Variants in NAV3 observed in about 807,000 individuals in gnomAD.
NAV3 encodes the protein pore membrane and/or filament interacting like protein 1.
A neutral mutation model predicts 244.7 loss-of-function variants in NAV3; 87 were observed. That is an observed-to-expected ratio of 0.36 (90% confidence interval 0.30 to 0.42). The LOEUF (loss-of-function observed/expected upper bound fraction) is 0.42, where lower values mean the gene tolerates loss of function less well. Among genes scored for constraint, NAV3 ranks in the 20% least tolerant of loss-of-function variants. The probability of loss-of-function intolerance (pLI) is 1.00; values close to 1 mark genes in which losing one functional copy is unlikely to be tolerated. For missense variants in NAV3, 2,663 were observed against 2,893.3 expected, an observed-to-expected ratio of 0.92 and a Z score of 1.83; for synonymous variants, 1,126 against 1,042.2, an observed-to-expected ratio of 1.08 and a Z score of -1.55.
intron 2 of NAV3, among the ~76,000 whole-genome samples, chr12:77,712,823 T>C (rs1324004618): frequency 2.6e-5 from 4 of 152,230 alleles, no homozygotes; most frequent in African/African-American, 9.6e-5. Context: ...CAAATGACTC[T>C]TATTGACATA....
intron 1 of NAV3, among the ~76,000 whole-genome samples, chr12:77,866,134 A>G (rs892428997): frequency 6.6e-6 from 1 of 152,190 alleles, no homozygotes; most frequent in Non-Finnish European, 1.5e-5. Flanking sequence ...AAAAATCCCA[A>G]TCTACAACAG....
At position 77,822,216 on chromosome 12, in the gene NAV3, T is replaced by G. The variant is rs1592713043; in HGVS notation, c.73-118103T>G. ...CCTGTAGGGTAGTAAATGCATGTCA[T>G]AGAGCATATATAAACAATTTCCACC... On this transcript the variant is annotated intron_variant, in intron 2 of 8. Coordinates refer to the NAV3 transcript ENST00000550042. Among the ~76,000 whole-genome samples, 4 of 152,202 alleles carry G rather than the reference T, an allele frequency of 2.6e-5. 1 individual carries two copies. Among genetic ancestry groups the G allele is most frequent in the Admixed American group, 2.6e-4 (4 of 15,272 alleles).
chr12:77,770,513 A>G (rs1164750370), intron 2 of NAV3, among the ~76,000 whole-genome samples: 1 of 152,202 alleles, frequency 6.6e-6, no homozygotes, highest in African/African-American at 2.4e-5. Context: ...GCTCTTAAGA[A>G]ATAGACTCAG....
At chr12:77,849,220 A>G (rs961337251) in intron 1 of NAV3, among the ~76,000 whole-genome samples, 2 of 150,578 alleles carry the variant, frequency 1.3e-5, no homozygotes, top group East Asian at 1.9e-4. Flanking sequence ...CCCAAACACA[A>G]TGTGTTGTAT....
At chr12:77,800,722 G>A (rs950667863) in intron 2 of NAV3, among the ~76,000 whole-genome samples, 1 of 152,100 alleles carries the variant, frequency 6.6e-6, no homozygotes, top group Non-Finnish European at 1.5e-5. Context: ...AGAATGAGTT[G>A]TGATGATTTA....
intron 2 of NAV3, among the ~76,000 whole-genome samples, chr12:77,809,371 A>C (rs1872167862): frequency 6.6e-6 from 1 of 152,154 alleles, no homozygotes; most frequent in African/African-American, 2.4e-5. Context: ...TCTGGGCTGG[A>C]ATGCACCTTT....
chr12:77,830,467 C>T (rs1311829961), upstream of NAV3, among the ~76,000 whole-genome samples: 1 of 152,178 alleles, frequency 6.6e-6, no homozygotes, highest in East Asian at 1.9e-4. Flanking sequence ...ATGCTTAGCT[C>T]CATAACTGCT....
rs554219706 is a variant in NAV3 at position 77,951,787 on chromosome 12, G to A, written c.414+10654G>A. Among the ~76,000 whole-genome samples the A allele has an allele frequency of 5.9e-5, 9 of 152,224 alleles. No individual in the cohort carries two copies. The East Asian group carries it at 1.5e-3, about 26-fold the overall frequency. ...CTTTGTAGGGACATGGATGAAGCTG[G>A]AAACCATCATTCTCAGCAAACTATC... On this transcript the variant is annotated intron_variant, in intron 3 of 39. Transcript: ENST00000397909.
chr12:78,072,988 A>C (rs74852311), intron 12 of NAV3, among the ~76,000 whole-genome samples: 386 of 134,328 alleles, frequency 2.9e-3, no homozygotes, highest in Middle Eastern at 0.012. Flanking sequence ...ATTCAACAAC[A>C]CTTCATGCTA....
chr12:77,641,581 A>T (rs1390919801), intron 2 of NAV3, among the ~76,000 whole-genome samples: 2 of 152,172 alleles, frequency 1.3e-5, no homozygotes, highest in South Asian at 2.1e-4. Context: ...AACTAAAAAC[A>T]TTATGAAGAA....
chr12:77,865,902 TG>T (rs1879939923), intron 1 of NAV3, among the ~76,000 whole-genome samples: 1 of 145,738 alleles, frequency 6.9e-6, no homozygotes, highest in Admixed American at 7.1e-5. Flanking sequence ...TTGAACATAG[TG>T]GGTAATCAAC....
chr12:77,819,487 A>G (rs1872647458), intron 2 of NAV3, among the ~76,000 whole-genome samples: 1 of 151,002 alleles, frequency 6.6e-6, no homozygotes, highest in Admixed American at 6.7e-5. Flanking sequence ...AACTTCTTCA[A>G]TTCACTAAAA....
At chr12:78,046,838 G>A (rs1881876685) in intron 9 of NAV3, among the ~76,000 whole-genome samples, 1 of 152,054 alleles carries the variant, frequency 6.6e-6, no homozygotes, top group Non-Finnish European at 1.5e-5. Context: ...GGGTGTTAAA[G>A]TCTCCCACTA....
rs1960894730 is a variant in NAV3, at chr12:78,211,639, G to T, written c.*1122G>T. ...AAATTCCATCCAGTTCTAAGTGAAA[G>T]AGTTTCAGAAGGCAGAAGATTTTGA... On this transcript the variant is annotated 3_prime_UTR_variant, in exon 40 of 40. Coordinates refer to ENST00000397909, the MANE Select transcript of NAV3 (RefSeq NM_001024383.2). 6.6e-6 allele frequency: 1 copy of T among 152,588 alleles called. No homozygotes were observed. The highest frequency in any genetic ancestry group is 1.5e-5 in the Non-Finnish European group (1 of 68,046). The allele number at this position is 152,588 out of a possible 1,614,324, so 9.5% of individuals were successfully genotyped here.
At chr12:77,767,883 C>G (rs1173639048) in intron 2 of NAV3, among the ~76,000 whole-genome samples, 1 of 152,234 alleles carries the variant, frequency 6.6e-6, no homozygotes. Flanking sequence ...TCTGTTACAG[C>G]TCTTTCAGTT....
In NAV3 at chr12:78,211,460, T is replaced by C. The variant is rs1175811663; in HGVS notation, c.*943T>C. On this transcript the variant is annotated 3_prime_UTR_variant, in exon 40 of 40. Coordinates refer to ENST00000397909, the MANE Select transcript of NAV3 (RefSeq NM_001024383.2). ...AGTTAACATAGTAGCCTCATCTCTA[T>C]ATATCTTTCTCTTTTTTTTTTTTTT... The C allele has an allele frequency of 7.1e-6, 1 of 140,746 alleles. No homozygotes were observed. The highest frequency in any genetic ancestry group is 2.1e-4 in the East Asian group (1 of 4,778). The allele number at this position is 140,746 out of a possible 1,614,324, so 8.7% of individuals were successfully genotyped here.
intron 2 of NAV3, among the ~76,000 whole-genome samples, chr12:77,648,312 C>G (rs1366058259): frequency 1.3e-5 from 2 of 151,974 alleles, no homozygotes; most frequent in African/African-American, 4.8e-5. Context: ...CATACTCGTA[C>G]ACACACACAG....
intron 2 of NAV3, among the ~76,000 whole-genome samples, chr12:77,644,054 T>C (rs1459665008): frequency 6.6e-6 from 1 of 152,096 alleles, no homozygotes; most frequent in African/African-American, 2.4e-5. Context: ...TGCATACATA[T>C]AGAGACAACA....
At chr12:78,145,444 A>G (rs978041324) in intron 20 of NAV3, among the ~76,000 whole-genome samples, 5 of 152,218 alleles carry the variant, frequency 3.3e-5, no homozygotes, top group South Asian at 2.1e-4. Context: ...AACTATACCA[A>G]AAGTAGACAT....
Sources: allele counts gnomAD v4.1 joint callset (sites outside exome capture counted in the v4.1 genomes callset), GRCh38; gene constraint gnomAD v4.1.1; transcripts MANE v1.5; gene names NCBI Gene and HGNC (gene_info 2026-07-23, HGNC 2026-07-21).